CNIH3: variants seen among roughly 807,000 people sequenced by gnomAD.
The protein encoded by CNIH3 is cornichon family AMPA receptor auxiliary protein 3.
In CNIH3, 14 loss-of-function variants were observed where a neutral mutation model predicts 24.1. The ratio of observed to expected loss-of-function variants is 0.58; its 90% confidence interval spans 0.38 to 0.91. CNIH3 has a LOEUF of 0.91. Among genes scored for constraint, CNIH3 ranks in the 40% least tolerant of loss-of-function variants. CNIH3 has a pLI of 0.00. For synonymous variants in CNIH3, 68 were observed against 73.8 expected, an observed-to-expected ratio of 0.92 and a Z score of 0.40; for missense variants, 178 against 196.8, an observed-to-expected ratio of 0.90 and a Z score of 0.57.
downstream of CNIH3, among the ~76,000 whole-genome samples, chr1:224,590,467 A>G: frequency 6.6e-6 from 1 of 152,166 alleles, no homozygotes; most frequent in Non-Finnish European, 1.5e-5. Flanking sequence ...GAGACTGGGT[A>G]ATTTATAAAG....
chr1:224,670,861 T>C (rs1685831057), intron 1 of CNIH3, among the ~76,000 whole-genome samples: 1 of 152,266 alleles, frequency 6.6e-6, no homozygotes, highest in Non-Finnish European at 1.5e-5. Context: ...GACTTGGCTA[T>C]GATGTCTAGA....
intron 1 of CNIH3, among the ~76,000 whole-genome samples, chr1:224,480,271 C>T (rs1209241125): frequency 6.6e-6 from 1 of 152,196 alleles, no homozygotes; most frequent in Non-Finnish European, 1.5e-5. Flanking sequence ...CTAGACCGCA[C>T]ACAGCACGGG....
chr1:224,459,477 T>C (rs1280515880), intron 1 of CNIH3, among the ~76,000 whole-genome samples: 1 of 152,192 alleles, frequency 6.6e-6, no homozygotes, highest in Non-Finnish European at 1.5e-5. Context: ...CAAATACCTC[T>C]CAGTAAAGAA....
At chr1:224,559,875 A>G (rs905899850) in intron 3 of CNIH3, among the ~76,000 whole-genome samples, 4 of 152,134 alleles carry the variant, frequency 2.6e-5, no homozygotes, top group Admixed American at 1.3e-4. Flanking sequence ...GGTAACCACT[A>G]TCCTGGTCTT....
intron 1 of CNIH3, among the ~76,000 whole-genome samples, chr1:224,447,262 A>T (rs975569807): frequency 6.6e-6 from 1 of 152,110 alleles, no homozygotes; most frequent in Non-Finnish European, 1.5e-5. Flanking sequence ...CTCAAACTGA[A>T]GTCAAAGGCC....
intron 1 of CNIH3, among the ~76,000 whole-genome samples, chr1:224,463,773 A>ATTTTTT (rs56137320): frequency 0.013 from 278 of 20,736 alleles, 49 homozygotes; most frequent in Middle Eastern, 0.029. Flanking sequence ...AATTGTCCTC[A>ATTTTTT]TTTTTTTTTT....
At chr1:224,669,110 C>G (rs1685740038) in intron 1 of CNIH3, among the ~76,000 whole-genome samples, 1 of 152,186 alleles carries the variant, frequency 6.6e-6, no homozygotes, top group African/African-American at 2.4e-5. Flanking sequence ...ACCCAGATGG[C>G]TGCTGGCTGG....
chr1:224,525,862 A>G (rs712068), intron 2 of CNIH3, among the ~76,000 whole-genome samples: 48,484 of 151,954 alleles, frequency 0.32, 10,458 homozygotes, highest in African/African-American at 0.61. Flanking sequence ...GCCAGGCAGA[A>G]GAGCCAGGAG....
At chr1:224,665,467 A>G (rs1685552955) in intron 1 of CNIH3, among the ~76,000 whole-genome samples, 1 of 152,172 alleles carries the variant, frequency 6.6e-6, no homozygotes, top group South Asian at 2.1e-4. Context: ...AAGATGGGTA[A>G]ACTCATTCAT....
At chr1:224,564,378 A>G (rs940613965) in intron 3 of CNIH3, among the ~76,000 whole-genome samples, 1 of 152,240 alleles carries the variant, frequency 6.6e-6, no homozygotes, top group Non-Finnish European at 1.5e-5. Context: ...TTTTTGAGGA[A>G]TAAAATCTAT....
upstream of CNIH3, chr1:224,615,987 G>C (rs1377710701): frequency 6.6e-6 from 1 of 152,648 alleles, no homozygotes; most frequent in African/African-American, 2.4e-5. Context: ...GTTTAGGCGC[G>C]AGGCACACAC....
chr1:224,510,615 A>C (rs746501931), intron 1 of CNIH3, among the ~76,000 whole-genome samples: 1 of 83,766 alleles, frequency 1.2e-5, no homozygotes, highest in South Asian at 3.7e-4. Context: ...AAAACAAAAA[A>C]AAAACAAAAA....
At chr1:224,672,283 G>A (rs550224585) in intron 1 of CNIH3, among the ~76,000 whole-genome samples, 44 of 152,258 alleles carry the variant, frequency 2.9e-4, no homozygotes, top group African/African-American at 7.7e-4. Flanking sequence ...AGAAATACTC[G>A]TTTGCATCTT....
At chr1:224,619,655 A>G (rs1257213540) in intron 1 of CNIH3, among the ~76,000 whole-genome samples, 1 of 152,180 alleles carries the variant, frequency 6.6e-6, no homozygotes, top group Non-Finnish European at 1.5e-5. Flanking sequence ...GGTAGTAATT[A>G]TTTCAACCAA....
intron 5 of CNIH3, 145 bp downstream of exon 5, chr1:224,734,851 C>T (rs1689514188): frequency 2.4e-6 from 2 of 838,582 alleles, no homozygotes; most frequent in Non-Finnish European, 3.9e-6. Flanking sequence ...CTGTCTGACT[C>T]TGGCTCAGGA....
At chr1:224,712,583 A>C (rs6676850) in intron 3 of CNIH3, among the ~76,000 whole-genome samples, 2,132 of 152,302 alleles carry the variant, frequency 0.014, 52 homozygotes, top group African/African-American at 0.049. Flanking sequence ...GTGAGACTTG[A>C]AGGGTAGCAG....
chr1:224,440,367 C>G (rs924811085), intron 1 of CNIH3, among the ~76,000 whole-genome samples: 7 of 152,162 alleles, frequency 4.6e-5, no homozygotes, highest in African/African-American at 1.4e-4. Context: ...GTAGCTGGAA[C>G]TACAGGTGCA....
intron 1 of CNIH3, among the ~76,000 whole-genome samples, chr1:224,622,958 C>T (rs1558223319): frequency 6.6e-6 from 1 of 152,220 alleles, no homozygotes; most frequent in Non-Finnish European, 1.5e-5. Flanking sequence ...TGGATGGTGC[C>T]TTTGCCACCA....
At chr1:224,623,145 G>A (rs1683361139) in intron 1 of CNIH3, among the ~76,000 whole-genome samples, 1 of 152,056 alleles carries the variant, frequency 6.6e-6, no homozygotes, top group Admixed American at 6.5e-5. Context: ...CCCTGGACCT[G>A]CCTCTGCAGT....
Sources: allele counts gnomAD v4.1 joint callset (sites outside exome capture counted in the v4.1 genomes callset), GRCh38; gene constraint gnomAD v4.1.1; transcripts MANE v1.5; gene names NCBI Gene and HGNC (gene_info 2026-07-23, HGNC 2026-07-21).